Variants in ZNF385D observed in about 807,000 individuals in gnomAD.
ZNF385D encodes the protein zinc finger protein 385D.
Under a neutral mutation model 35.8 loss-of-function variants are expected in ZNF385D, and 15 were observed. The ratio of observed to expected loss-of-function variants is 0.42; its 90% CI spans 0.28 to 0.64. ZNF385D has a LOEUF of 0.64. ZNF385D is among the 30% of genes least tolerant of loss of function. The probability of loss-of-function intolerance (pLI) is 0.23; values close to 1 mark genes in which losing one functional copy is unlikely to be tolerated. For synonymous variants in ZNF385D, 212 were observed against 186.8 expected, an observed-to-expected ratio of 1.13 and a Z score of -1.10; for missense variants, 474 against 494.6, an observed-to-expected ratio of 0.96 and a Z score of 0.39.
At chr3:21,808,957 C>T (rs1292618689) in intron 3 of ZNF385D, among the ~76,000 whole-genome samples, 3 of 152,146 alleles carry the variant, frequency 2.0e-5, no homozygotes, top group Non-Finnish European at 4.4e-5. Flanking sequence ...GAAGGGCAAC[C>T]AGGAAGGGCA....
At chr3:22,005,436 G>A (rs1696142575) in intron 3 of ZNF385D, among the ~76,000 whole-genome samples, 1 of 151,928 alleles carries the variant, frequency 6.6e-6, no homozygotes. Context: ...TAGTGTCGCA[G>A]GGTAACTATT....
intron 3 of ZNF385D, among the ~76,000 whole-genome samples, chr3:21,818,638 G>C (rs71310288): frequency 0.055 from 8,364 of 152,048 alleles, 490 homozygotes; most frequent in East Asian, 0.31. Context: ...ATGAGAAAGG[G>C]TAATAAGATA....
At chr3:22,310,393 C>A (rs766327648) in intron 2 of ZNF385D, among the ~76,000 whole-genome samples, 2 of 151,952 alleles carry the variant, frequency 1.3e-5, no homozygotes, top group Admixed American at 6.6e-5. Context: ...TACTACATAA[C>A]TAAAATCTCT....
intron 2 of ZNF385D, among the ~76,000 whole-genome samples, chr3:22,339,251 A>C (rs1695315074): frequency 6.6e-6 from 1 of 152,178 alleles, no homozygotes; most frequent in African/African-American, 2.4e-5. Context: ...ACCATGAAAC[A>C]ATGAAAGAAA....
At chr3:21,750,769 C>T in intron 1 of ZNF385D, 126 bp downstream of exon 1, 1 of 1,186,888 alleles carries the variant, frequency 8.4e-7, no homozygotes, top group Non-Finnish European at 1.2e-6. Context: ...CTTGGTCCTC[C>T]AGTTGCCAAC....
chr3:21,508,014 T>TTTTTG (rs1251658400), intron 4 of ZNF385D, among the ~76,000 whole-genome samples: 1 of 152,122 alleles, frequency 6.6e-6, no homozygotes, highest in Non-Finnish European at 1.5e-5. Context: ...TTTGTTTGTT[T>TTTTTG]TTTTGTTTTG....
intron 2 of ZNF385D, among the ~76,000 whole-genome samples, chr3:22,347,064 T>G (rs558854631): frequency 1.3e-5 from 2 of 152,224 alleles, no homozygotes; most frequent in South Asian, 4.1e-4. Flanking sequence ...AGGATTAATG[T>G]AAGACACTGC....
intron 2 of ZNF385D, among the ~76,000 whole-genome samples, chr3:22,324,573 T>C (rs1385891486): frequency 6.6e-6 from 1 of 152,176 alleles, no homozygotes; most frequent in East Asian, 1.9e-4. Context: ...TTCATTATCC[T>C]ATGAGCATTT....
At chr3:21,996,353 T>C (rs1430811916) in intron 3 of ZNF385D, among the ~76,000 whole-genome samples, 4 of 152,178 alleles carry the variant, frequency 2.6e-5, no homozygotes, top group African/African-American at 7.2e-5. Context: ...CAAGTGACCG[T>C]GACCAGGATG....
intron 3 of ZNF385D, among the ~76,000 whole-genome samples, chr3:21,821,628 GA>G (rs1575718110): frequency 6.6e-6 from 1 of 152,072 alleles, no homozygotes; most frequent in Admixed American, 6.6e-5. Flanking sequence ...TTGATAACCA[GA>G]AAAATGTAAA....
chr3:21,907,677 G>T (rs1210762790), intron 3 of ZNF385D, among the ~76,000 whole-genome samples: 1 of 151,970 alleles, frequency 6.6e-6, no homozygotes, highest in Admixed American at 6.6e-5. Context: ...GTTCCTAAAG[G>T]TTACTCATCC....
Position 21,751,009 on chromosome 3 carries a change from G to C in ZNF385D, c.-93C>G. 8.7e-6 allele frequency: 14 copies of C among 1,608,052 alleles called. No homozygotes were observed. Among genetic ancestry groups the C allele is most frequent in the Non-Finnish European group, 1.2e-5 (14 of 1,177,364 alleles). Reference sequence around the variant, plus strand: ...AGCAGAGCCCTTTCATGCTACATTCGGTGGAAATGTCCCCGGCGTGGAGAG... The same window carrying C: ...AGCAGAGCCCTTTCATGCTACATTCCGTGGAAATGTCCCCGGCGTGGAGAG... On this transcript the variant is annotated 5_prime_UTR_variant, in exon 1 of 8. Coordinates refer to ENST00000281523, the MANE Select transcript of ZNF385D (RefSeq NM_024697.3).
At chr3:21,857,720 A>C (rs1029930100) in intron 3 of ZNF385D, among the ~76,000 whole-genome samples, 4 of 151,690 alleles carry the variant, frequency 2.6e-5, no homozygotes, top group African/African-American at 9.7e-5. Flanking sequence ...CCTGCCCTTG[A>C]CTCTCTTACT....
chr3:21,675,421 A>G (rs925263741), intron 1 of ZNF385D, among the ~76,000 whole-genome samples: 4 of 152,056 alleles, frequency 2.6e-5, no homozygotes, highest in Admixed American at 6.6e-5. Flanking sequence ...TGATCTTTTA[A>G]TAGTCTAGTG....
rs77169383 is a variant in ZNF385D, at chr3:21,733,116, C to T, written c.22+17779G>A. On this transcript the variant is annotated intron_variant, in intron 1 of 7. Coordinates refer to ENST00000281523, the MANE Select transcript of ZNF385D (RefSeq NM_024697.3). ...TTCATTTTTTTTTCAAGTGGATGTCCGTTGGTTTCAGCACCATTTTTTGAA... is the reference window on the plus strand; with the variant it reads ...TTCATTTTTTTTTCAAGTGGATGTCTGTTGGTTTCAGCACCATTTTTTGAA... 6.3e-3 allele frequency among the ~76,000 whole-genome samples: 949 copies of T among 151,800 alleles called. 11 individuals are homozygous for T. Among genetic ancestry groups the T allele is most frequent in the African/African-American group, 0.02 (845 of 41,392 alleles).
At chr3:21,577,652 T>G (rs1313114413) in intron 2 of ZNF385D, among the ~76,000 whole-genome samples, 1 of 152,112 alleles carries the variant, frequency 6.6e-6, no homozygotes, top group Non-Finnish European at 1.5e-5. Context: ...AGTTCCTCTT[T>G]CTCCGCAACC....
At chr3:22,249,669 T>A (rs1359171541) in intron 2 of ZNF385D, among the ~76,000 whole-genome samples, 1 of 152,168 alleles carries the variant, frequency 6.6e-6, no homozygotes, top group East Asian at 1.9e-4. Flanking sequence ...CACAGATAAC[T>A]GAAGAGCAAC....
intron 1 of ZNF385D, among the ~76,000 whole-genome samples, chr3:21,727,046 A>G (rs1206219980): frequency 6.6e-6 from 1 of 152,206 alleles, no homozygotes; most frequent in Non-Finnish European, 1.5e-5. Context: ...ATCTTTGACA[A>G]ACTTGACACA....
Position 21,437,126 on chromosome 3 carries a change from T to G in ZNF385D, c.517A>C (p.Ile173Leu). 1 of 1,613,996 alleles carries G rather than the reference T, an allele frequency of 6.2e-7. No homozygotes were observed. The highest frequency in any genetic ancestry group is 1.7e-5 in the Admixed American group (1 of 59,994). The change falls in exon 5 of 8, where the codon ATC becomes CTC. Residue 173 changes from isoleucine (I) to leucine (L), a missense_variant. By Grantham distance (5) the Ile-to-Leu change is conservative (BLOSUM62 2). Coordinates refer to ENST00000281523, the MANE Select transcript of ZNF385D (RefSeq NM_024697.3). ...IRKSSVMTTE[I>L]TSKVEKSPTT... ...GGGCTTTTTTCCACTTTAGAGGTGA[T>G]CTCAGTTGTCATAACACTGCTTTTG...
Sources: gnomAD v4.1 joint callset for allele counts (sites outside exome capture counted in the v4.1 genomes callset) on GRCh38, gnomAD v4.1.1 for gene constraint, MANE v1.5 for transcripts, NCBI Gene and HGNC (gene_info 2026-07-23, HGNC 2026-07-21) for gene names.